Variants in CDH13 observed in about 807,000 individuals in gnomAD.
The protein encoded by CDH13 is cadherin 13.
Under a neutral mutation model 63.8 loss-of-function variants are expected in CDH13, and 24 were observed. The ratio of observed to expected loss-of-function variants is 0.38; its 90% CI spans 0.27 to 0.53. The LOEUF (loss-of-function observed/expected upper bound fraction) is 0.53. Ranked by LOEUF, CDH13 falls within the 20% of genes least tolerant of loss-of-function variation. The pLI, the probability that CDH13 is intolerant of heterozygous loss-of-function variation, is 0.85. For missense variants in CDH13, 1,049 were observed against 903.1 expected (o/e 1.16, Z -2.07); for synonymous variants, 503 against 355.3 (o/e 1.42, Z -4.67).
At chr16:83,410,197 TCAG>T (rs2092106088) in intron 6 of CDH13, among the ~76,000 whole-genome samples, 1 of 152,326 alleles carries the variant, frequency 6.6e-6, no homozygotes, top group South Asian at 2.1e-4. Flanking sequence ...TTAATGGAAT[TCAG>T]CATCTGTGTC....
At chr16:83,684,878 G>T (rs888814538) in intron 10 of CDH13, among the ~76,000 whole-genome samples, 14 of 152,222 alleles carry the variant, frequency 9.2e-5, no homozygotes, top group African/African-American at 2.4e-4. Flanking sequence ...GCAGACGGAA[G>T]TTGATTTTTT....
chr16:82,719,654 T>C (rs2032629644), intron 1 of CDH13, among the ~76,000 whole-genome samples: 1 of 152,122 alleles, frequency 6.6e-6, no homozygotes, highest in African/African-American at 2.4e-5. Context: ...GAGACCAGCC[T>C]GGCCAAGGTG....
chr16:82,974,383 C>T (rs1299112633), intron 2 of CDH13, among the ~76,000 whole-genome samples: 7 of 152,168 alleles, frequency 4.6e-5, no homozygotes, highest in Admixed American at 3.9e-4. Context: ...TGGTTCCCAA[C>T]ACCCTGAATA....
At chr16:83,294,192 T>C (rs1160311575) in intron 5 of CDH13, among the ~76,000 whole-genome samples, 3 of 152,254 alleles carry the variant, frequency 2.0e-5, no homozygotes, top group African/African-American at 4.8e-5. Flanking sequence ...TGATTAAATC[T>C]AGCTAATGAA....
chr16:82,685,329 A>C (rs1355398586), intron 1 of CDH13, among the ~76,000 whole-genome samples: 5 of 152,142 alleles, frequency 3.3e-5, no homozygotes, highest in Non-Finnish European at 5.9e-5. Flanking sequence ...CCGTGTCCTC[A>C]CTTGGCAGAA....
At chr16:83,279,693 A>G (rs11644575) in intron 5 of CDH13, among the ~76,000 whole-genome samples, 8,863 of 152,272 alleles carry the variant, frequency 0.058, 288 homozygotes, top group Non-Finnish European at 0.073. Flanking sequence ...ACATGTAGTG[A>G]CACACATTTC....
chr16:82,800,447 AT>A (rs561932078), intron 1 of CDH13, among the ~76,000 whole-genome samples: 23 of 152,298 alleles, frequency 1.5e-4, no homozygotes, highest in African/African-American at 5.3e-4. Context: ...TTAACTTGGG[AT>A]CTATGGAACA....
intron 1 of CDH13, among the ~76,000 whole-genome samples, chr16:82,742,363 A>C (rs1320619277): frequency 6.6e-6 from 1 of 152,160 alleles, no homozygotes; most frequent in Non-Finnish European, 1.5e-5. Context: ...CAATGAACAT[A>C]CATAGCATTT....
At chr16:82,991,734 T>A (rs558258122) in intron 2 of CDH13, among the ~76,000 whole-genome samples, 34 of 152,310 alleles carry the variant, frequency 2.2e-4, no homozygotes, top group African/African-American at 7.9e-4. Flanking sequence ...CTCCTGATTT[T>A]GGCAATAAAA....
At chr16:83,660,919 T>C (rs944261656) in intron 8 of CDH13, among the ~76,000 whole-genome samples, 1 of 126,100 alleles carries the variant, frequency 7.9e-6, no homozygotes, top group Admixed American at 8.1e-5. Context: ...TATCCAAGCC[T>C]GAAATTGAAG....
At chr16:82,916,613 G>A (rs2042000017) in intron 2 of CDH13, among the ~76,000 whole-genome samples, 1 of 151,774 alleles carries the variant, frequency 6.6e-6, no homozygotes, top group Admixed American at 6.6e-5. Context: ...TAAAAAGGAA[G>A]ACCTTGATAA....
At chr16:83,339,470 C>T (rs2090674118) in intron 5 of CDH13, among the ~76,000 whole-genome samples, 2 of 152,112 alleles carry the variant, frequency 1.3e-5, no homozygotes, top group South Asian at 4.2e-4. Context: ...AGACTCAGTA[C>T]CAGCTTTGTA....
chr16:83,184,974 T>A (rs1253526354), intron 4 of CDH13, among the ~76,000 whole-genome samples: 1 of 152,100 alleles, frequency 6.6e-6, no homozygotes, highest in East Asian at 1.9e-4. Context: ...TACACACTTA[T>A]AAGTGTACAT....
At chr16:82,728,763 A>C (rs918410749) in intron 1 of CDH13, among the ~76,000 whole-genome samples, 2 of 152,132 alleles carry the variant, frequency 1.3e-5, no homozygotes, top group Non-Finnish European at 2.9e-5. Context: ...TTTTACAAAA[A>C]CTTTCTGTAA....
At chr16:83,239,681 C>T (rs918319288) in intron 5 of CDH13, among the ~76,000 whole-genome samples, 3 of 152,224 alleles carry the variant, frequency 2.0e-5, no homozygotes, top group African/African-American at 7.2e-5. Context: ...CTCTCATTCA[C>T]TCACTGGCTA....
intron 6 of CDH13, among the ~76,000 whole-genome samples, chr16:83,441,167 T>C (rs1361692217): frequency 6.6e-6 from 1 of 152,248 alleles, no homozygotes; most frequent in Non-Finnish European, 1.5e-5. Context: ...AGTAGTCATC[T>C]GGTCGACTGT....
At chr16:83,413,522 G>A (rs559045874) in intron 6 of CDH13, among the ~76,000 whole-genome samples, 1 of 152,172 alleles carries the variant, frequency 6.6e-6, no homozygotes, top group African/African-American at 2.4e-5. Flanking sequence ...ATGCGGTAAT[G>A]TTCCCCAACT....
intron 2 of CDH13, among the ~76,000 whole-genome samples, chr16:82,885,554 T>G (rs1033534567): frequency 6.6e-6 from 1 of 151,896 alleles, no homozygotes; most frequent in Non-Finnish European, 1.5e-5. Context: ...CAGCCATCCA[T>G]CCATTCACTT....
intron 8 of CDH13, among the ~76,000 whole-genome samples, chr16:83,615,120 G>C (rs1219713147): frequency 1.3e-5 from 2 of 152,202 alleles, no homozygotes; most frequent in East Asian, 1.9e-4. Flanking sequence ...CCCTTTGCCA[G>C]AAGTCTAATT....
Sources: allele counts gnomAD v4.1 joint callset (sites outside exome capture counted in the v4.1 genomes callset), GRCh38; gene constraint gnomAD v4.1.1; transcripts MANE v1.5; gene names NCBI Gene and HGNC (gene_info 2026-07-23, HGNC 2026-07-21).